The following HIVEP3 variants were observed in gnomAD, a reference collection of about 807,000 sequenced individuals.
The protein encoded by HIVEP3 is HIVEP zinc finger 3, also known as transcription factor HIVEP3.
HIVEP3 carries 49 observed loss-of-function variants against 152.8 expected under a neutral mutation model. The observed-to-expected ratio is 0.32, with a 90% CI of 0.26 to 0.41. The LOEUF (loss-of-function observed/expected upper bound fraction) is 0.41. Ranked by LOEUF, HIVEP3 falls within the 10% of genes least tolerant of loss-of-function variation. HIVEP3 has a pLI of 1.00. For missense variants in HIVEP3, 2,790 were observed against 3,103.3 expected (o/e 0.90, Z 2.40); for synonymous variants, 1,269 against 1,289.0 (o/e 0.98, Z 0.33).
intron 1 of HIVEP3, among the ~76,000 whole-genome samples, chr1:41,771,809 C>A (rs565147457): frequency 6.6e-6 from 1 of 152,280 alleles, no homozygotes; most frequent in South Asian, 2.1e-4. Context: ...GAACTACAAG[C>A]ACATGCCACC....
intron 1 of HIVEP3, among the ~76,000 whole-genome samples, chr1:41,719,247 TCAAA>T (rs1355783515): frequency 6.6e-6 from 1 of 152,082 alleles, no homozygotes; most frequent in African/African-American, 2.4e-5. Flanking sequence ...AAGGACAAAG[TCAAA>T]CAAAATCAAG....
chr1:41,942,783 A>G (rs1645052269), intron 1 of HIVEP3, among the ~76,000 whole-genome samples: 2 of 152,226 alleles, frequency 1.3e-5, no homozygotes, highest in Non-Finnish European at 2.9e-5. Flanking sequence ...AGTGAGGAAA[A>G]TCTCTATATA....
At chr1:41,706,947 T>C (rs1357185064) in intron 1 of HIVEP3, among the ~76,000 whole-genome samples, 1 of 152,226 alleles carries the variant, frequency 6.6e-6, no homozygotes, top group Admixed American at 6.5e-5. Context: ...AGGAGTTCAG[T>C]TCAAATAAAA....
At chr1:41,651,815 C>T (rs565960300) in intron 2 of HIVEP3, among the ~76,000 whole-genome samples, 1 of 152,168 alleles carries the variant, frequency 6.6e-6, no homozygotes, top group Non-Finnish European at 1.5e-5. Flanking sequence ...CAGTAACAAT[C>T]TCATTTTTAA....
At chr1:41,888,919 A>G (rs1006535433) in intron 1 of HIVEP3, among the ~76,000 whole-genome samples, 4 of 145,922 alleles carry the variant, frequency 2.7e-5, no homozygotes, top group African/African-American at 1.0e-4. Flanking sequence ...TATACCTCAC[A>G]CACCACATGC....
intron 1 of HIVEP3, among the ~76,000 whole-genome samples, chr1:41,913,273 T>C (rs1375741933): frequency 6.6e-6 from 1 of 152,260 alleles, no homozygotes; most frequent in East Asian, 1.9e-4. Flanking sequence ...CTTGGGGATT[T>C]GCCAAGGGCT....
chr1:41,947,152 C>G lies in HIVEP3; in HGVS notation n.120-28628G>C, dbSNP rs188942967. On this transcript the variant is annotated intron_variant and non_coding_transcript_variant, in intron 1 of 3. Transcript: ENST00000489103. ...TTACCCCAAGGGTTCAGGGATAGAC[C>G]CCATCTATTTGGCCAGGAATTAGCC... is the stretch of plus-strand genomic sequence containing the variant. 1.6e-3 allele frequency among the ~76,000 whole-genome samples: 236 copies of G among 152,200 alleles called. 1 individual carries two copies. The highest frequency in any genetic ancestry group is 2.5e-3 in the Non-Finnish European group (168 of 68,000).
At chr1:42,032,927 C>T (rs10890175) in intron 1 of HIVEP3, among the ~76,000 whole-genome samples, 67,952 of 151,828 alleles carry the variant, frequency 0.45, 16,795 homozygotes, top group East Asian at 0.71. Flanking sequence ...AGAAGCCTTC[C>T]GTGGTTTCCC....
intron 1 of HIVEP3, among the ~76,000 whole-genome samples, chr1:41,947,309 T>C (rs542232118): frequency 2.0e-5 from 3 of 152,346 alleles, no homozygotes; most frequent in Admixed American, 2.0e-4. Flanking sequence ...TCGCCACCTG[T>C]GGCTACAAGG....
chr1:41,971,523 G>A (rs77901369), intron 1 of HIVEP3, among the ~76,000 whole-genome samples: 2,293 of 152,200 alleles, frequency 0.015, 56 homozygotes, highest in African/African-American at 0.053. Flanking sequence ...ATATTTGAGG[G>A]TGCACTGGGA....
intron 1 of HIVEP3, among the ~76,000 whole-genome samples, chr1:42,018,681 T>G (rs187337934): frequency 6.6e-6 from 1 of 152,060 alleles, no homozygotes; most frequent in African/African-American, 2.4e-5. Flanking sequence ...CACCCTATCC[T>G]ACCTTCTGCC....
intron 1 of HIVEP3, among the ~76,000 whole-genome samples, chr1:41,840,982 T>C (rs1460559048): frequency 2.0e-5 from 3 of 152,222 alleles, no homozygotes; most frequent in Non-Finnish European, 2.9e-5. Flanking sequence ...CTTTATTAAC[T>C]TGCTAAATCA....
intron 3 of HIVEP3, among the ~76,000 whole-genome samples, chr1:41,591,539 T>C (rs918616740): frequency 6.6e-6 from 1 of 152,020 alleles, no homozygotes; most frequent in Non-Finnish European, 1.5e-5. Context: ...CTAGAACTGA[T>C]AATCATGGAT....
intron 2 of HIVEP3, among the ~76,000 whole-genome samples, chr1:41,640,416 T>C (rs943179720): frequency 5.3e-5 from 8 of 152,166 alleles, no homozygotes. Flanking sequence ...AGACACCGTG[T>C]TCCCTCTCTG....
chr1:41,595,678 G>A (rs966352820), intron 3 of HIVEP3, among the ~76,000 whole-genome samples: 1 of 152,154 alleles, frequency 6.6e-6, no homozygotes, highest in African/African-American at 2.4e-5. Flanking sequence ...TCAGTGGACT[G>A]GGAAAGGCAG....
chr1:41,963,491 G>A (rs1434821038), intron 1 of HIVEP3, among the ~76,000 whole-genome samples: 6 of 151,050 alleles, frequency 4.0e-5, no homozygotes, highest in Non-Finnish European at 8.9e-5. Flanking sequence ...ACACAGGAAG[G>A]GGAACATCAC....
chr1:42,026,516 T>C (rs1313333300), intron 1 of HIVEP3, among the ~76,000 whole-genome samples: 1 of 152,208 alleles, frequency 6.6e-6, no homozygotes, highest in African/African-American at 2.4e-5. Context: ...TATCCTACCA[T>C]TATCAGAAAC....
intron 1 of HIVEP3, among the ~76,000 whole-genome samples, chr1:42,002,282 T>G (rs1645432486): frequency 6.6e-6 from 1 of 152,010 alleles, no homozygotes; most frequent in African/African-American, 2.4e-5. Flanking sequence ...GAGGCCCCAG[T>G]GACAGGGACC....
At chr1:41,554,318 C>T (rs1643932673) in intron 5 of HIVEP3, among the ~76,000 whole-genome samples, 1 of 152,170 alleles carries the variant, frequency 6.6e-6, no homozygotes, top group South Asian at 2.1e-4. Flanking sequence ...AGTTCTTGTG[C>T]CATGGTTTTC....
Sources: gnomAD v4.1 joint callset for allele counts (sites outside exome capture counted in the v4.1 genomes callset) on GRCh38, gnomAD v4.1.1 for gene constraint, MANE v1.5 for transcripts, NCBI Gene and HGNC (gene_info 2026-07-23, HGNC 2026-07-21) for gene names.